Variants in BTLA observed in about 807,000 individuals in gnomAD.
BTLA encodes B- and T-lymphocyte attenuator.
Under a neutral mutation model 25.0 loss-of-function variants are expected in BTLA, and 11 were observed. The ratio of observed to expected loss-of-function variants is 0.44; its 90% confidence interval spans 0.28 to 0.73. The LOEUF is 0.73. Ranked by LOEUF, BTLA falls within the 30% of genes least tolerant of loss-of-function variation. The pLI is 0.15. For synonymous variants in BTLA, 104 were observed against 119.8 expected (o/e 0.87, Z 0.86); for missense variants, 282 against 332.8 (o/e 0.85, Z 1.19).
intron 1 of BTLA, among the ~76,000 whole-genome samples, chr3:112,487,842 G>T (rs1368155085): frequency 2.0e-5 from 3 of 152,076 alleles, no homozygotes; most frequent in Admixed American, 6.6e-5. Flanking sequence ...AGTCTTTCTG[G>T]CTGGGTCAAT....
At chr3:112,480,762 A>C (rs536547909) in intron 1 of BTLA, among the ~76,000 whole-genome samples, 20 of 152,320 alleles carry the variant, frequency 1.3e-4, no homozygotes, top group African/African-American at 4.6e-4. Context: ...TTCAACATGA[A>C]TTTTGGAGGG....
chr3:112,486,667 T>C (rs1226447551), intron 1 of BTLA, among the ~76,000 whole-genome samples: 1 of 152,222 alleles, frequency 6.6e-6, no homozygotes. Context: ...TACTAAATTG[T>C]AACACTAAAG....
At chr3:112,482,377 T>G (rs1576684996) in intron 1 of BTLA, among the ~76,000 whole-genome samples, 1 of 152,252 alleles carries the variant, frequency 6.6e-6, no homozygotes, top group South Asian at 2.1e-4. Flanking sequence ...AGGCCTTGCC[T>G]GTGATCACAC....
chr3:112,465,233 C>G lies in BTLA; in HGVS notation c.*875G>C, dbSNP rs986187338. On this transcript the variant is annotated 3_prime_UTR_variant, in exon 5 of 5. Coordinates refer to ENST00000334529, the MANE Select transcript of BTLA (RefSeq NM_181780.4). ...GTTTTCCTCCATTCCATTAATTGCA[C>G]TTTAACTTGCTATCAAGTCAAGCAT... 1 of 152,652 alleles carries G rather than the reference C, an allele frequency of 6.6e-6. No individual in the cohort carries two copies. The highest frequency in any genetic ancestry group is 1.5e-5 in the Non-Finnish European group (1 of 68,040). 9.5% of individuals were successfully genotyped at this position (152,652 alleles called of 1,614,324 possible). A position where few individuals can be genotyped will look rare whatever the true frequency, so the allele number is the denominator to read the frequency against.
chr3:112,479,413 T>C (rs1235341764), intron 2 of BTLA, 42 bp downstream of exon 2: 2 of 1,533,950 alleles, frequency 1.3e-6, no homozygotes, highest in Non-Finnish European at 8.8e-7. Flanking sequence ...CCTGGAAACA[T>C]TATAAGAAAA....
rs2082428694 is a variant in BTLA at position 112,499,306 on chromosome 3, A to G, written c.53T>C (p.Phe18Ser). The change falls in exon 1 of 5, where the codon TTC becomes TCC. Residue 18 changes from phenylalanine to serine, a missense_variant. Phe to Ser is a radical substitution (Grantham distance 155). Around this residue, in one of 2 missense-constraint regions of BTLA, gnomAD observed 163 missense variants for 230.4 expected, o/e 0.71. Transcript: ENST00000334529. ...LGTGKLFWVF[F>S]LIPYLDIWNI... ...CCAGATGTCCAGATATGGGATTAAG[A>G]AGAAGACCCAAAATAATTTCCCAGT... 7.4e-6 allele frequency: 12 copies of G among 1,613,042 alleles called. No homozygotes were observed. Among genetic ancestry groups the G allele is most frequent in the Non-Finnish European group, 1.0e-5 (12 of 1,179,100 alleles).
chr3:112,478,356 T>TCAG (rs2082300127), intron 2 of BTLA, among the ~76,000 whole-genome samples: 4 of 152,268 alleles, frequency 2.6e-5, no homozygotes, highest in Non-Finnish European at 4.4e-5. Context: ...TTGGTTAAAT[T>TCAG]TGTACTTAAA....
intron 1 of BTLA, among the ~76,000 whole-genome samples, chr3:112,487,213 A>G (rs572514832): frequency 4.9e-4 from 74 of 152,374 alleles, no homozygotes; most frequent in African/African-American, 1.7e-3. Flanking sequence ...TAGTATTTAG[A>G]ACTTAGACCA....
rs955230488 is a variant in BTLA, at chr3:112,464,958, C to G, written c.*1150G>C. The G allele has an allele frequency of 3.3e-5, 5 of 152,176 alleles. No individual in the cohort carries two copies. The highest frequency in any genetic ancestry group is 1.3e-4 in the Admixed American group (2 of 15,276). The allele number at this position is 152,176 out of a possible 1,614,324, so 9.4% of individuals were successfully genotyped here. On this transcript the variant is annotated 3_prime_UTR_variant, in exon 5 of 5. Transcript: ENST00000334529. ...ACCTGAGAATTCGAATAGCCTCAAACTGTTGAATAAAATTATAGGCTATTT... is the reference window on the plus strand; with the variant it reads ...ACCTGAGAATTCGAATAGCCTCAAAGTGTTGAATAAAATTATAGGCTATTT...
Position 112,466,127 on chromosome 3 carries a change from G to A in BTLA, c.851C>T (p.Ser284Phe), listed in dbSNP as rs1441011254. ...NVKEAPTEYASICVRS is the reference protein window; with the variant it reads ...NVKEAPTEYAFICVRS ...ACAGACTTAACTCCTCACACATATGGATGCATATTCTGTTGGTGCTTCTTT... is the reference window on the plus strand; with the variant it reads ...ACAGACTTAACTCCTCACACATATGAATGCATATTCTGTTGGTGCTTCTTT... The change falls in exon 5 of 5, where the codon TCC becomes TTC. Residue 284 changes from serine to phenylalanine, a missense_variant. Transcript: ENST00000334529. The A allele has an allele frequency of 6.2e-7, 1 of 1,602,366 alleles. No homozygotes were observed. The highest frequency in any genetic ancestry group is 2.2e-5 in the East Asian group (1 of 44,588).
intron 1 of BTLA, among the ~76,000 whole-genome samples, chr3:112,498,026 C>G (rs992750279): frequency 6.6e-6 from 1 of 152,004 alleles, no homozygotes; most frequent in African/African-American, 2.4e-5. Flanking sequence ...GCTTGGCTGA[C>G]TTTCTTAAAA....
intron 4 of BTLA, among the ~76,000 whole-genome samples, chr3:112,468,954 G>C (rs1260259205): frequency 1.3e-5 from 2 of 152,156 alleles, no homozygotes; most frequent in South Asian, 2.1e-4. Context: ...GAATTTTTAA[G>C]AGGGTTACTA....
At chr3:112,488,674 C>T (rs915065745) in intron 1 of BTLA, among the ~76,000 whole-genome samples, 14 of 152,132 alleles carry the variant, frequency 9.2e-5, no homozygotes, top group South Asian at 2.1e-4. Flanking sequence ...AGTGCAGTGG[C>T]GCGATCTTAG....
chr3:112,494,232 G>C (rs2082396642), intron 1 of BTLA, among the ~76,000 whole-genome samples: 1 of 152,186 alleles, frequency 6.6e-6, no homozygotes, highest in Non-Finnish European at 1.5e-5. Flanking sequence ...AGTCAGAATG[G>C]TGATTATTAA....
intron 2 of BTLA, 59 bp from the exon 3 acceptor site, chr3:112,471,414 G>A (rs1008576238): frequency 4.4e-5 from 69 of 1,556,444 alleles, no homozygotes; most frequent in Middle Eastern, 1.7e-4. Context: ...TGGGATCAGC[G>A]GCACCCCTCT....
At chr3:112,478,800 C>T (rs748327026) in intron 2 of BTLA, among the ~76,000 whole-genome samples, 2 of 152,100 alleles carry the variant, frequency 1.3e-5, no homozygotes, top group Admixed American at 1.3e-4. Context: ...CTACTCCCCC[C>T]CTATGTATTT....
At chr3:112,471,925 T>C (rs748238061) in intron 2 of BTLA, among the ~76,000 whole-genome samples, 3 of 152,240 alleles carry the variant, frequency 2.0e-5, no homozygotes, top group Non-Finnish European at 4.4e-5. Context: ...TCAATGTTAA[T>C]ACGCATTGAG....
At chr3:112,484,083 C>T (rs72938420) in intron 1 of BTLA, among the ~76,000 whole-genome samples, 4 of 151,984 alleles carry the variant, frequency 2.6e-5, no homozygotes, top group Non-Finnish European at 4.4e-5. Flanking sequence ...GAATGAGTAG[C>T]CCTTTGGCAA....
chr3:112,480,130 C>A (rs1319106963), intron 1 of BTLA, among the ~76,000 whole-genome samples: 1 of 152,106 alleles, frequency 6.6e-6, no homozygotes, highest in Non-Finnish European at 1.5e-5. Context: ...TTCTTCCCCA[C>A]CCTAACTGAT....
Sources: gnomAD v4.1 joint callset for allele counts (sites outside exome capture counted in the v4.1 genomes callset) on GRCh38, gnomAD v4.1.1 for gene constraint, gnomAD v4.1.1 regional missense constraint, MANE v1.5 for transcripts, NCBI Gene and HGNC (gene_info 2026-07-23, HGNC 2026-07-21) for gene names.